The following LUZP1 variants were observed in gnomAD, a reference collection of about 807,000 sequenced individuals.
The protein encoded by LUZP1 is leucine zipper protein 1.
LUZP1 carries 25 observed loss-of-function variants against 71.3 expected under a neutral mutation model. That is an observed-to-expected ratio of 0.35 (90% CI 0.26 to 0.49). The LOEUF (loss-of-function observed/expected upper bound fraction) is 0.49. Ranked by LOEUF, LUZP1 falls within the 20% of genes least tolerant of loss-of-function variation. The pLI is 0.99. For missense variants in LUZP1, 1,142 were observed against 1,300.8 expected (o/e 0.88, Z 1.88); for synonymous variants, 481 against 506.4 (o/e 0.95, Z 0.67).
chr1:23,090,930 C>G, intron 4 of LUZP1: 1 of 718,246 alleles, frequency 1.4e-6, no homozygotes, highest in Non-Finnish European at 2.6e-6. Flanking sequence ...AGACAGATTT[C>G]CTTTTTATGT....
chr1:23,109,075 T>G (rs1644007676), exon 3 of LUZP1: 1 of 152,252 alleles, frequency 6.6e-6, no homozygotes, highest in Admixed American at 6.5e-5. Context: ...TCCCTATGCT[T>G]GCTGTTTTGG....
chr1:23,130,050 TATC>T (rs1186026028), intron 2 of LUZP1, among the ~76,000 whole-genome samples: 2 of 152,218 alleles, frequency 1.3e-5, no homozygotes, highest in Non-Finnish European at 2.9e-5. Flanking sequence ...AGCTGGAGGT[TATC>T]TTTTTTCCTT....
chr1:23,114,851 C>G (rs1173031671), intron 2 of LUZP1, among the ~76,000 whole-genome samples: 1 of 152,204 alleles, frequency 6.6e-6, no homozygotes, highest in African/African-American at 2.4e-5. Flanking sequence ...GTCTTTTACA[C>G]TTTCTGGGTC....
At chr1:23,151,333 C>T (rs1430578283) in intron 2 of LUZP1, among the ~76,000 whole-genome samples, 5 of 152,058 alleles carry the variant, frequency 3.3e-5, no homozygotes, top group African/African-American at 9.7e-5. Flanking sequence ...CATGAGCCAC[C>T]GCACCCAGCC....
intron 2 of LUZP1, among the ~76,000 whole-genome samples, chr1:23,155,116 A>G (rs1352404113): frequency 1.3e-5 from 2 of 152,240 alleles, no homozygotes; most frequent in African/African-American, 4.8e-5. Flanking sequence ...TGTGGCAAGA[A>G]GCATAAAAAC....
intron 2 of LUZP1, among the ~76,000 whole-genome samples, chr1:23,130,688 T>C (rs1445094036): frequency 1.3e-5 from 2 of 152,042 alleles, no homozygotes; most frequent in Admixed American, 6.6e-5. Context: ...TTCTTGAAAT[T>C]AAGCCCTTAT....
intron 2 of LUZP1, among the ~76,000 whole-genome samples, chr1:23,126,467 T>A (rs1644172454): frequency 6.6e-6 from 1 of 152,118 alleles, no homozygotes; most frequent in East Asian, 1.9e-4. Context: ...TTCTCCTGTT[T>A]TACTTCTCTT....
At chr1:23,170,247 C>T (rs1644542335) in intron 1 of LUZP1, among the ~76,000 whole-genome samples, 1 of 152,160 alleles carries the variant, frequency 6.6e-6, no homozygotes, top group South Asian at 2.1e-4. Flanking sequence ...GTTTGTGGAG[C>T]TCAAGCTCTG....
At chr1:23,119,847 T>G (rs1386445644) in intron 2 of LUZP1, among the ~76,000 whole-genome samples, 1 of 152,174 alleles carries the variant, frequency 6.6e-6, no homozygotes. Flanking sequence ...GAAAGAATAA[T>G]TCATCTCCCT....
At chr1:23,107,099 T>C (rs1039084367) in intron 3 of LUZP1, among the ~76,000 whole-genome samples, 1 of 152,192 alleles carries the variant, frequency 6.6e-6, no homozygotes, top group African/African-American at 2.4e-5. Flanking sequence ...ATACCTGCTG[T>C]TCCCTCTGCC....
At chr1:23,101,138 C>G (rs1056878760) in intron 3 of LUZP1, among the ~76,000 whole-genome samples, 3 of 152,180 alleles carry the variant, frequency 2.0e-5, no homozygotes, top group African/African-American at 7.2e-5. Flanking sequence ...ACAGGCAATA[C>G]TAAGTACCTT....
chr1:23,137,449 T>G (rs1644263591), intron 2 of LUZP1, among the ~76,000 whole-genome samples: 1 of 152,166 alleles, frequency 6.6e-6, no homozygotes, highest in Non-Finnish European at 1.5e-5. Context: ...AAAACCAGCC[T>G]GGCCAACATG....
rs368771220 is a variant in LUZP1 at position 23,160,321 on chromosome 1, TGTTA to T, written c.-226+8441_-226+8444del. On this transcript the variant is annotated intron_variant, in intron 2 of 4. Transcript: ENST00000302291. The stretch of plus-strand genomic sequence containing the variant: ...TTGCTTTGTTGACATCAAAATAAAA[TGTTA>T]GTCAACAGAAAATTCAAATAAAGTA... 2.0e-4 allele frequency among the ~76,000 whole-genome samples: 31 copies of T among 152,344 alleles called. No individual in the cohort carries two copies. The East Asian group carries it at 2.5e-3, about 12-fold the overall frequency.
At chr1:23,119,199 C>T (rs919664597) in intron 2 of LUZP1, among the ~76,000 whole-genome samples, 64 of 145,784 alleles carry the variant, frequency 4.4e-4, no homozygotes, top group African/African-American at 1.6e-3. Flanking sequence ...TGGCCTGGTA[C>T]AGTGTGAAAT....
In LUZP1 at chr1:23,175,613, G is replaced by T. The variant is rs534697515; in HGVS notation, c.-485+1878C>A. ...CTGATCCCTTTCTGTCCCTAGTACA[G>T]TGTCTGGCCTGCATCCCTCCATTCC... On this transcript the variant is annotated intron_variant, in intron 1 of 4. Transcript: ENST00000302291. 1.1e-4 allele frequency among the ~76,000 whole-genome samples: 16 copies of T among 152,272 alleles called. No homozygotes were observed. In the South Asian group the frequency reaches 3.3e-3, roughly 32 times the overall value.
At chr1:23,087,061 G>A (rs1026921170) in exon 5 of LUZP1, 1 of 152,128 alleles carries the variant, frequency 6.6e-6, no homozygotes, top group East Asian at 1.9e-4. Flanking sequence ...AAATTCATAG[G>A]AGATGCACAG....
At chr1:23,127,600 T>C (rs1644181912) in intron 2 of LUZP1, among the ~76,000 whole-genome samples, 2 of 152,138 alleles carry the variant, frequency 1.3e-5, no homozygotes, top group South Asian at 4.1e-4. Context: ...CTCAGTTCAC[T>C]GCAAGCTCCG....
chr1:23,091,937 C>T, exon 4 of LUZP1: 2 of 1,614,172 alleles, frequency 1.2e-6, no homozygotes, highest in Non-Finnish European at 1.7e-6. Context: ...CCAACGTAGT[C>T]TCTGTTCCAG....
At chr1:23,092,176 T>C in exon 4 of LUZP1, 1 of 1,614,130 alleles carries the variant, frequency 6.2e-7, no homozygotes, top group Non-Finnish European at 8.5e-7. Context: ...GCCCCTCGGG[T>C]TTTAGCCTTT....
Sources: allele counts gnomAD v4.1 joint callset (sites outside exome capture counted in the v4.1 genomes callset), GRCh38; gene constraint gnomAD v4.1.1; transcripts MANE v1.5; gene names NCBI Gene and HGNC (gene_info 2026-07-23, HGNC 2026-07-21).